The following CECR2 variants were observed in gnomAD, a reference collection of about 807,000 sequenced individuals.
The protein encoded by CECR2 is CECR2 histone acetyl-lysine reader.
CECR2 carries 30 observed loss-of-function variants against 154.5 expected under a neutral mutation model. That is an observed-to-expected ratio of 0.19 (90% confidence interval 0.15 to 0.26). The LOEUF is 0.26. Among genes scored for constraint, CECR2 ranks in the 10% least tolerant of loss-of-function variants. The pLI is 1.00. For missense variants in CECR2, 1,743 were observed against 1,829.3 expected, an observed-to-expected ratio of 0.95 and a Z score of 0.86; for synonymous variants, 725 against 683.7, an observed-to-expected ratio of 1.06 and a Z score of -0.94.
chr22:17,482,947 C>T (rs1489922945), intron 2 of CECR2, among the ~76,000 whole-genome samples: 1 of 152,088 alleles, frequency 6.6e-6, no homozygotes, highest in East Asian at 1.9e-4. Flanking sequence ...TCCCAAAGTG[C>T]TGGGATTACA....
At chr22:17,405,742 C>G (rs565117263) in intron 1 of CECR2, among the ~76,000 whole-genome samples, 1 of 152,156 alleles carries the variant, frequency 6.6e-6, no homozygotes, top group African/African-American at 2.4e-5. Flanking sequence ...CTAAACTCCC[C>G]CCTTTTAGCA....
At chr22:17,538,420 C>T (rs1486846316) in intron 10 of CECR2, 100 bp from the exon 11 acceptor site, 1 of 1,052,420 alleles carries the variant, frequency 9.5e-7, no homozygotes, top group Non-Finnish European at 1.5e-6. Context: ...AGGACTATTC[C>T]AAATCTTAGT....
chr22:17,404,364 C>CT lies in CECR2; in HGVS notation c.126+34458dup, dbSNP rs1209598318. 1.5e-3 allele frequency among the ~76,000 whole-genome samples: 87 copies of CT among 59,612 alleles called. 18 individuals carry two copies. The highest frequency in any genetic ancestry group is 0.01 in the South Asian group (21 of 2,004). The allele number at this position is 59,612 out of a possible 152,430, so 39.1% of individuals were successfully genotyped here. ...TGTGGGTTCATTTCTGGACCCTGTT[C>CT]TTTCTTTTTTTTTTTTTTTTTTTTT... On this transcript the variant is annotated intron_variant, in intron 1 of 18. Coordinates refer to ENST00000262608, the MANE Select transcript of CECR2 (RefSeq NM_001290047.2).
chr22:17,403,378 G>A (rs1036368883), intron 1 of CECR2, among the ~76,000 whole-genome samples: 2 of 152,156 alleles, frequency 1.3e-5, no homozygotes, highest in Non-Finnish European at 2.9e-5. Context: ...ATAGATAATA[G>A]CTGCACGTAT....
intron 16 of CECR2, among the ~76,000 whole-genome samples, chr22:17,545,521 G>A (rs2056599903): frequency 6.6e-6 from 1 of 151,864 alleles, no homozygotes; most frequent in Non-Finnish European, 1.5e-5. Context: ...TCAGTACCTG[G>A]CAGGAGAATG....
chr22:17,438,397 C>G (rs1393969563), intron 1 of CECR2, among the ~76,000 whole-genome samples: 1 of 152,186 alleles, frequency 6.6e-6, no homozygotes, highest in Non-Finnish European at 1.5e-5. Context: ...TGTCGACTGA[C>G]AAGTAGTTTA....
intron 8 of CECR2, among the ~76,000 whole-genome samples, chr22:17,520,449 C>A (rs1490238357): frequency 6.6e-6 from 1 of 151,474 alleles, no homozygotes; most frequent in Non-Finnish European, 1.5e-5. Flanking sequence ...ACTTTAAGTT[C>A]TAGAGTACAT....
intron 1 of CECR2, among the ~76,000 whole-genome samples, chr22:17,473,807 C>G (rs986997264): frequency 1.3e-5 from 2 of 152,162 alleles, no homozygotes; most frequent in Non-Finnish European, 2.9e-5. Context: ...AAAACTGTTT[C>G]GTCTTCCAAA....
chr22:17,503,954 G>A (rs143276833), intron 6 of CECR2, among the ~76,000 whole-genome samples: 19,969 of 152,030 alleles, frequency 0.13, 1,540 homozygotes, highest in Non-Finnish European at 0.18. Flanking sequence ...GGCTGAGGCA[G>A]GAGAATCACT....
At chr22:17,402,923 A>C (rs576945890) in intron 1 of CECR2, among the ~76,000 whole-genome samples, 34 of 151,988 alleles carry the variant, frequency 2.2e-4, no homozygotes, top group African/African-American at 8.0e-4. Flanking sequence ...ACGCCCAGCT[A>C]ATTTTGTATT....
In CECR2 at chr22:17,421,850, TAAAAAAAAAAACAAA is replaced by T. The variant is rs201665140; in HGVS notation, c.126+51947_126+51961del. Among the ~76,000 whole-genome samples, 1,173 of 138,302 alleles carry T rather than the reference TAAAAAAAAAAACAAA, an allele frequency of 8.5e-3. 58 individuals carry two copies. In the East Asian group the frequency reaches 0.15, roughly 17 times the overall value. The allele number at this position is 138,302 out of a possible 152,430, so 90.7% of individuals were successfully genotyped here. ...GGCTCTGATAAAACCGCATCTCTAC[TAAAAAAAAAAACAAA>T]AAAAACTTTTTTTTTTTTTTAAATT... On this transcript the variant is annotated intron_variant, in intron 1 of 18. Coordinates refer to ENST00000262608, the MANE Select transcript of CECR2 (RefSeq NM_001290047.2).
Position 17,369,499 on chromosome 22 carries a change from ACTGGGGGCGGC to A in CECR2, c.-283_-273del, listed in dbSNP as rs2063028655. The stretch of plus-strand genomic sequence containing the variant: ...CGGGGACTCGATTATATTGTAGGGG[ACTGGGGGCGGC>A]CGCCGCCGCAGCCGCGGGATGGGGC... On this transcript the variant is annotated 5_prime_UTR_variant, in exon 1 of 19. Transcript: ENST00000262608. 2 of 147,770 alleles carry A rather than the reference ACTGGGGGCGGC, an allele frequency of 1.4e-5. No individual in the cohort carries two copies. The highest frequency in any genetic ancestry group is 2.5e-5 in the African/African-American group (1 of 40,426). 9.2% of individuals were successfully genotyped at this position (147,770 alleles called of 1,614,324 possible).
chr22:17,454,451 A>T (rs112398119), intron 1 of CECR2, among the ~76,000 whole-genome samples: 9,734 of 147,350 alleles, frequency 0.066, 523 homozygotes, highest in East Asian at 0.26. Context: ...CAAAAATACA[A>T]AAAATTAGCC....
At chr22:17,481,800 T>C (rs1429111127) in intron 2 of CECR2, among the ~76,000 whole-genome samples, 1 of 152,186 alleles carries the variant, frequency 6.6e-6, no homozygotes, top group African/African-American at 2.4e-5. Context: ...ACAAACCTAG[T>C]GCGCTACCAG....
At chr22:17,544,227 G>T (rs779326567) in intron 16 of CECR2, among the ~76,000 whole-genome samples, 5 of 152,142 alleles carry the variant, frequency 3.3e-5, no homozygotes, top group Non-Finnish European at 7.3e-5. Context: ...GGCCAGGCGC[G>T]GTGGCTGACG....
At chr22:17,481,171 G>A (rs778263426) in intron 2 of CECR2, among the ~76,000 whole-genome samples, 26 of 148,792 alleles carry the variant, frequency 1.7e-4, no homozygotes, top group East Asian at 3.9e-4. Flanking sequence ...GTGAAACCCC[G>A]TCTCTACTAA....
intron 2 of CECR2, among the ~76,000 whole-genome samples, chr22:17,484,793 G>A (rs1172864978): frequency 6.6e-6 from 1 of 152,116 alleles, no homozygotes; most frequent in Non-Finnish European, 1.5e-5. Flanking sequence ...CATGAGAATT[G>A]CTTGAACCTG....
Position 17,441,532 on chromosome 22 carries a change from CT to C in CECR2, c.127-36052del, listed in dbSNP as rs1377637233. On this transcript the variant is annotated intron_variant, in intron 1 of 18. Transcript: ENST00000262608. ...TTTATTCTAACGTGATGAAAGCTTTCTTTTAAAAAGTAGCCGGGGGAGATTG... is the reference window on the plus strand; with the variant it reads ...TTTATTCTAACGTGATGAAAGCTTTCTTTAAAAAGTAGCCGGGGGAGATTG... Among the ~76,000 whole-genome samples, 7 of 152,248 alleles carry C rather than the reference CT, an allele frequency of 4.6e-5. No individual in the cohort carries two copies. In the East Asian group the frequency reaches 1.4e-3, roughly 29 times the overall value.
At chr22:17,392,868 C>T (rs1358092571) in intron 1 of CECR2, among the ~76,000 whole-genome samples, 2 of 151,936 alleles carry the variant, frequency 1.3e-5, no homozygotes, top group South Asian at 2.1e-4. Context: ...GGTGAAACCC[C>T]GTCTCTACTA....
Sources: gnomAD v4.1 joint callset for allele counts (sites outside exome capture counted in the v4.1 genomes callset) on GRCh38, gnomAD v4.1.1 for gene constraint, MANE v1.5 for transcripts, NCBI Gene and HGNC (gene_info 2026-07-23, HGNC 2026-07-21) for gene names.